ANKRD34C: variants seen among roughly 807,000 people sequenced by gnomAD.
ANKRD34C encodes the protein ankyrin repeat domain-containing protein 34C.
For synonymous variants in ANKRD34C, 260 were observed against 253.6 expected, an observed-to-expected ratio of 1.03 and a Z score of -0.24; for missense variants, 563 against 653.0, an observed-to-expected ratio of 0.86 and a Z score of 1.50.
chr15:79,295,625 G>T lies in ANKRD34C; in HGVS notation c.*733G>T, dbSNP rs576486214. 6.1e-4 allele frequency: 102 copies of T among 167,176 alleles called. No homozygotes were observed. Among genetic ancestry groups the T allele is most frequent in the South Asian group, 2.1e-3 (10 of 4,830 alleles). 10.4% of individuals were successfully genotyped at this position (167,176 alleles called of 1,614,324 possible). ...GAAACTTTCCCCAGACCCGTCCCCT[G>T]ACACAGGCTCTTGTATTGAAATCTT... On this transcript the variant is annotated 3_prime_UTR_variant, in exon 2 of 2. Transcript: ENST00000421388.
rs117177153 is a variant in ANKRD34C at position 79,292,041 on chromosome 15, C to T, written c.-44-1200C>T. On this transcript the variant is annotated intron_variant, in intron 1 of 1. Transcript: ENST00000421388. The stretch of plus-strand genomic sequence containing the variant: ...ACCAAGAAAAGCTTTTGCCTTCCAA[C>T]TAAATAGAGTAATATAAATAAATAA... 2.8e-3 allele frequency among the ~76,000 whole-genome samples: 420 copies of T among 152,258 alleles called. 4 individuals are homozygous for T. Among genetic ancestry groups the T allele is most frequent in the Admixed American group, 0.017 (265 of 15,302 alleles).
At position 79,293,816 on chromosome 15, in the gene ANKRD34C, G is replaced by A; in HGVS notation, c.532G>A (p.Asp178Asn). The A allele has an allele frequency of 6.4e-7, 1 of 1,551,722 alleles. No homozygotes were observed. Among genetic ancestry groups the A allele is most frequent in the Non-Finnish European group, 8.7e-7 (1 of 1,147,000 alleles). ...TGTCCCTCCTTCACCCAAAGTAGAAGACAGGCATTCACCTCCACTGTGTGC... is the reference window on the plus strand; with the variant it reads ...TGTCCCTCCTTCACCCAAAGTAGAAAACAGGCATTCACCTCCACTGTGTGC... ...LNVPPSPKVEDRHSPPLCASP... is the reference protein window; with the variant it reads ...LNVPPSPKVENRHSPPLCASP... The change falls in exon 2 of 2, where the codon GAC (aspartate) becomes AAC (asparagine). Residue 178 changes from aspartate (D) to asparagine (N), a missense_variant. Physicochemically the swap from Asp to Asn is conservative, Grantham distance 23. Transcript: ENST00000421388.
rs774762530 is a variant in ANKRD34C at position 79,294,425 on chromosome 15, G to C, written c.1141G>C (p.Asp381His). 144 of 1,551,498 alleles carry C rather than the reference G, an allele frequency of 9.3e-5. No homozygotes were observed. The highest frequency in any genetic ancestry group is 1.2e-4 in the Non-Finnish European group (137 of 1,146,968). The change falls in exon 2 of 2, where the codon GAC (aspartate) becomes CAC (histidine). Residue 381 changes from aspartate (D) to histidine (H), a missense_variant. Asp to His is a moderately conservative substitution (Grantham distance 81). Coordinates refer to ENST00000421388, the MANE Select transcript of ANKRD34C (RefSeq NM_001146341.2). Reference protein sequence around the residue: ...SLKWLENDLYDLDIQPGPDPP... With the variant: ...SLKWLENDLYHLDIQPGPDPP... ...CAAATGGCTGGAAAATGACCTCTATGACTTAGATATACAGCCAGGGCCTGA... is the reference window on the plus strand; with the variant it reads ...CAAATGGCTGGAAAATGACCTCTATCACTTAGATATACAGCCAGGGCCTGA...
At position 79,289,928 on chromosome 15, in the gene ANKRD34C, C is replaced by T. The variant is rs879115740; in HGVS notation, c.-44-3313C>T. 3.9e-5 allele frequency among the ~76,000 whole-genome samples: 6 copies of T among 152,060 alleles called. 1 individual carries two copies. In the Middle Eastern group the frequency reaches 9.5e-3, roughly 241 times the overall value. On this transcript the variant is annotated intron_variant, in intron 1 of 1. Coordinates refer to ENST00000421388, the MANE Select transcript of ANKRD34C (RefSeq NM_001146341.2). ...TTTTGTATGTGTGTGTGTGCATGCACGTGTGCAAAAGAAAAAGATAGAGAA... is the reference window on the plus strand; with the variant it reads ...TTTTGTATGTGTGTGTGTGCATGCATGTGTGCAAAAGAAAAAGATAGAGAA...
chr15:79,296,828 C>A lies in ANKRD34C; in HGVS notation c.*1936C>A, dbSNP rs935261066. The A allele has an allele frequency of 6.0e-6, 1 of 167,070 alleles. No homozygotes were observed. Among genetic ancestry groups the A allele is most frequent in the Admixed American group, 6.5e-5 (1 of 15,282 alleles). The allele number at this position is 167,070 out of a possible 1,614,324, so 10.3% of individuals were successfully genotyped here. A position where few individuals can be genotyped will look rare whatever the true frequency, so the allele number is the denominator to read the frequency against. On this transcript the variant is annotated 3_prime_UTR_variant, in exon 2 of 2. Transcript: ENST00000421388. ...GGCCAGATGTCTCCTGGGTGCATCA[C>A]CTTCGTTGATCTCTACTGCTAGACC... is the stretch of plus-strand genomic sequence containing the variant.
intron 1 of ANKRD34C, among the ~76,000 whole-genome samples, chr15:79,288,965 C>T (rs939441416): frequency 5.9e-5 from 9 of 151,864 alleles, no homozygotes; most frequent in Non-Finnish European, 1.2e-4. Flanking sequence ...GGACTGCAAG[C>T]GTGTGCCACC....
chr15:79,293,636 A>T lies in ANKRD34C; in HGVS notation c.352A>T (p.Thr118Ser). 6.4e-7 allele frequency: 1 copy of T among 1,551,682 alleles called. No homozygotes were observed. The highest frequency in any genetic ancestry group is 2.4e-5 in the East Asian group (1 of 40,928). ...AGCAGACCCCAGCCTTGAAGATCGC[A>T]CTGGGGCTTCAGCTCTGGTTTATGC... Reference protein sequence around the residue: ...NGADPSLEDRTGASALVYAIN... With the variant: ...NGADPSLEDRSGASALVYAIN... Residue 118 changes from threonine (T) to serine (S), a missense_variant, in exon 2 of 2, where the codon ACT becomes TCT. Physicochemically the swap from Thr to Ser is moderately conservative, Grantham distance 58 (BLOSUM62 1). Coordinates refer to ENST00000421388, the MANE Select transcript of ANKRD34C (RefSeq NM_001146341.2).
At chr15:79,291,824 G>C (rs950400052) in intron 1 of ANKRD34C, among the ~76,000 whole-genome samples, 7 of 152,136 alleles carry the variant, frequency 4.6e-5, no homozygotes, top group African/African-American at 1.7e-4. Flanking sequence ...GAAGCAGAAA[G>C]ATACACACTA....
At position 79,293,577 on chromosome 15, in the gene ANKRD34C, G is replaced by A; in HGVS notation, c.293G>A (p.Gly98Glu). The change falls in exon 2 of 2, where the codon GGG becomes GAG. Residue 98 changes from glycine to glutamate, a missense_variant. By Grantham distance (98) the Gly-to-Glu change is moderately conservative. Coordinates refer to ENST00000421388, the MANE Select transcript of ANKRD34C (RefSeq NM_001146341.2). ...ALIHACIRRA[G>E]GEVVSLLLEN... Reference sequence around the variant, plus strand: ...ATCCATGCCTGTATCAGAAGAGCTGGGGGAGAAGTGGTCTCCTTATTACTG... The same window carrying A: ...ATCCATGCCTGTATCAGAAGAGCTGAGGGAGAAGTGGTCTCCTTATTACTG... The A allele has an allele frequency of 6.4e-7, 1 of 1,551,654 alleles. No individual in the cohort carries two copies. The highest frequency in any genetic ancestry group is 1.7e-4 in the Middle Eastern group (1 of 5,988).
rs1459694116 is a variant in ANKRD34C, at chr15:79,297,742, C to T, written c.*2850C>T. 1 of 166,990 alleles carries T rather than the reference C, an allele frequency of 6.0e-6. No individual in the cohort carries two copies. Among genetic ancestry groups the T allele is most frequent in the Non-Finnish European group, 1.5e-5 (1 of 68,112 alleles). The allele number at this position is 166,990 out of a possible 1,614,324, so 10.3% of individuals were successfully genotyped here. ...ACGCAATTTTGTCCATGTCAATGAACCTAACAAGAATGCTTTTTAAAAGTA... is the reference window on the plus strand; with the variant it reads ...ACGCAATTTTGTCCATGTCAATGAATCTAACAAGAATGCTTTTTAAAAGTA... On this transcript the variant is annotated 3_prime_UTR_variant, in exon 2 of 2. Transcript: ENST00000421388.
Position 79,293,609 on chromosome 15 carries a change from G to A in ANKRD34C, c.325G>A (p.Gly109Arg). Residue 109 changes from glycine to arginine, a missense_variant, in exon 2 of 2, where the codon GGA becomes AGA. Physicochemically the swap from Gly to Arg is moderately radical, Grantham distance 125. Coordinates refer to ENST00000421388, the MANE Select transcript of ANKRD34C (RefSeq NM_001146341.2). ...GEVVSLLLENGADPSLEDRTG... is the reference protein window; with the variant it reads ...GEVVSLLLENRADPSLEDRTG... ...AGTGGTCTCCTTATTACTGGAGAAT[G>A]GAGCAGACCCCAGCCTTGAAGATCG... 2 of 1,551,704 alleles carry A rather than the reference G, an allele frequency of 1.3e-6. No individual in the cohort carries two copies. The highest frequency in any genetic ancestry group is 1.7e-6 in the Non-Finnish European group (2 of 1,146,986).
chr15:79,291,607 G>C (rs200042552), intron 1 of ANKRD34C, among the ~76,000 whole-genome samples: 8,698 of 64,868 alleles, frequency 0.13, 458 homozygotes, highest in African/African-American at 0.28. Context: ...CACACAGAGA[G>C]AGAGAGAGAG....
chr15:79,292,240 G>A (rs1016007111), intron 1 of ANKRD34C, among the ~76,000 whole-genome samples: 3 of 152,172 alleles, frequency 2.0e-5, no homozygotes, highest in Non-Finnish European at 2.9e-5. Context: ...TGTGGTACCC[G>A]TGGGCTGGCA....
chr15:79,294,271 G>C lies in ANKRD34C; in HGVS notation c.987G>C (p.Trp329Cys). 1 of 1,551,716 alleles carries C rather than the reference G, an allele frequency of 6.4e-7. No individual in the cohort carries two copies. The highest frequency in any genetic ancestry group is 8.7e-7 in the Non-Finnish European group (1 of 1,146,988). The part of the protein sequence containing the change: ...KIPVSSAPAS[W>C]KAAYEKGQAP... The stretch of plus-strand genomic sequence containing the variant: ...CAGTCTCTTCAGCACCGGCATCCTG[G>C]AAAGCAGCCTATGAGAAAGGTCAGG... The change falls in exon 2 of 2, where the codon TGG becomes TGC. Residue 329 changes from tryptophan to cysteine, a missense_variant. Coordinates refer to ENST00000421388, the MANE Select transcript of ANKRD34C (RefSeq NM_001146341.2).
chr15:79,294,888 C>T lies in ANKRD34C; in HGVS notation c.1604C>T (p.Thr535Ile). 6.5e-7 allele frequency: 1 copy of T among 1,530,962 alleles called. No individual in the cohort carries two copies. 94.8% of individuals were successfully genotyped at this position (1,530,962 alleles called of 1,614,324 possible). A position where few individuals can be genotyped will look rare whatever the true frequency, so the allele number is the denominator to read the frequency against. Residue 535 changes from threonine to isoleucine, a missense_variant, in exon 2 of 2, where the codon ACC (threonine) becomes ATC (isoleucine). Transcript: ENST00000421388. ...CTGTCTGATTTTGAAGAAATCATGACCTAGAAGCTTTAGAAAGGCTTAAAA... is the reference window on the plus strand; with the variant it reads ...CTGTCTGATTTTGAAGAAATCATGATCTAGAAGCTTTAGAAAGGCTTAAAA... Reference protein sequence around the residue: ...KQLSDFEEIMT With the variant: ...KQLSDFEEIMI
At chr15:79,291,991 T>C (rs927249186) in intron 1 of ANKRD34C, among the ~76,000 whole-genome samples, 1 of 152,232 alleles carries the variant, frequency 6.6e-6, no homozygotes, top group African/African-American at 2.4e-5. Context: ...TTCAAAGGGA[T>C]ATATATAGCC....
At chr15:79,287,623 T>A (rs1320015673) in intron 1 of ANKRD34C, among the ~76,000 whole-genome samples, 5 of 152,250 alleles carry the variant, frequency 3.3e-5, no homozygotes, top group Non-Finnish European at 7.3e-5. Context: ...AGTCAAGGTT[T>A]ACTTGCTTAT....
At chr15:79,290,281 TC>T (rs2058655902) in intron 1 of ANKRD34C, among the ~76,000 whole-genome samples, 1 of 151,356 alleles carries the variant, frequency 6.6e-6, no homozygotes, top group Non-Finnish European at 1.5e-5. Flanking sequence ...CTCCTTGGCT[TC>T]CCAAATTGCT....
rs1379271941 is a variant in ANKRD34C, at chr15:79,296,937, A to G, written c.*2045A>G. On this transcript the variant is annotated 3_prime_UTR_variant, in exon 2 of 2. Transcript: ENST00000421388. ...TATGCCCTCCTGTTAACTTAAGACA[A>G]TTCAAATTGTGCTTTAGTAAGAGGA... 1 of 167,128 alleles carries G rather than the reference A, an allele frequency of 6.0e-6. No individual in the cohort carries two copies. The highest frequency in any genetic ancestry group is 1.5e-5 in the Non-Finnish European group (1 of 68,112). The allele number at this position is 167,128 out of a possible 1,614,324, so 10.4% of individuals were successfully genotyped here. A position where few individuals can be genotyped will look rare whatever the true frequency, so the allele number is the denominator to read the frequency against.
Sources: gnomAD v4.1 joint callset for allele counts (sites outside exome capture counted in the v4.1 genomes callset) on GRCh38, gnomAD v4.1.1 for gene constraint, MANE v1.5 for transcripts, NCBI Gene and HGNC (gene_info 2026-07-23, HGNC 2026-07-21) for gene names.